Variants in SBF1 observed in about 807,000 individuals in gnomAD.
SBF1 encodes the protein myotubularin-related protein 5.
SBF1 carries 65 observed loss-of-function variants against 215.8 expected under a neutral mutation model. The observed-to-expected ratio is 0.30, with a 90% CI of 0.25 to 0.37. SBF1 has a LOEUF of 0.37. Ranked by LOEUF, SBF1 falls within the 10% of genes least tolerant of loss-of-function variation. The pLI, the probability that SBF1 is intolerant of heterozygous loss-of-function variation, is 1.00. For missense variants in SBF1, 2,634 were observed against 2,667.8 expected, an observed-to-expected ratio of 0.99 and a Z score of 0.28; for synonymous variants, 1,410 against 1,122.8, an observed-to-expected ratio of 1.26 and a Z score of -5.11.
chr22:50,452,775 C>T (rs554828900), intron 36 of SBF1, among the ~76,000 whole-genome samples: 3 of 114,000 alleles, frequency 2.6e-5, no homozygotes, highest in South Asian at 6.0e-4. Flanking sequence ...TTATGTCATA[C>T]GTAAAAATAA....
chr22:50,472,787 C>T (rs1415043449), intron 1 of SBF1, among the ~76,000 whole-genome samples: 1 of 152,170 alleles, frequency 6.6e-6, no homozygotes, highest in Admixed American at 6.5e-5. Context: ...CAGCCCATGA[C>T]CAGGGTCCCA....
rs760192085 is a variant in SBF1 at position 50,461,649 on chromosome 22, G to A, written c.2713C>T (p.Leu905=). 3.1e-6 allele frequency: 5 copies of A among 1,611,060 alleles called. No individual in the cohort carries two copies. The South Asian group carries it at 4.4e-5, about 14-fold the overall frequency. ...CVLDGLRVYL[L]PDGREEGAGG... ...GCGCCCTCCTCACGCCCATCCGGCA[G>A]CAGGTAGACGCGCAGGCCGTCCAGC... Residue 905 remains leucine (L), a synonymous_variant, in exon 22 of 41, where the codon CTG becomes TTG. Coordinates refer to ENST00000380817, the MANE Select transcript of SBF1 (RefSeq NM_002972.4).
rs1479030643 is a variant in SBF1, at chr22:50,466,360, G to A, written c.778C>T (p.Leu260Phe). The A allele has an allele frequency of 2.6e-6, 4 of 1,566,976 alleles. No homozygotes were observed. Among genetic ancestry groups the A allele is most frequent in the East Asian group, 2.4e-5 (1 of 41,710 alleles). Residue 260 changes from leucine to phenylalanine, a missense_variant, in exon 7 of 41, where the codon CTC becomes TTC. By Grantham distance (22) the Leu-to-Phe change is conservative. Coordinates refer to ENST00000380817, the MANE Select transcript of SBF1 (RefSeq NM_002972.4). ...CCGGGCAGGGGTCACCTGTATCTGAGAGGAAACAGCAGTGCCAGGAGGCCC... is the reference window on the plus strand; with the variant it reads ...CCGGGCAGGGGTCACCTGTATCTGAAAGGAAACAGCAGTGCCAGGAGGCCC... ...CRGLLALLFP[L>F]RYSFTYVPIL...
chr22:50,457,821 A>C (rs1428617100), intron 28 of SBF1, among the ~76,000 whole-genome samples: 1 of 152,184 alleles, frequency 6.6e-6, no homozygotes, highest in Non-Finnish European at 1.5e-5. Context: ...GCAAGGCCCG[A>C]GGGTGGGACT....
rs758647842 is a variant in SBF1 at position 50,464,416 on chromosome 22, C to A, written c.1662G>T (p.Gly554=). 2 of 1,613,864 alleles carry A rather than the reference C, an allele frequency of 1.2e-6. No individual in the cohort carries two copies. The highest frequency in any genetic ancestry group is 2.7e-5 in the African/African-American group (2 of 74,958). The change falls in exon 15 of 41, where the codon GGG becomes GGT. Residue 554 remains glycine, a synonymous_variant. Transcript: ENST00000380817. ...PMTAILERCS[G]LHVNSARRLE... is the part of the protein sequence containing the mutation. ...GCCGCCGGGCGCTGTTGACATGCAG[C>A]CCACTGCACCGCTCCAGTATGGCAG...
At chr22:50,458,645 T>C (rs1328578550) in intron 28 of SBF1, among the ~76,000 whole-genome samples, 1 of 152,190 alleles carries the variant, frequency 6.6e-6, no homozygotes, top group Non-Finnish European at 1.5e-5. Flanking sequence ...GGAGTGAGTG[T>C]GGGGCCTATC....
At position 50,460,059 on chromosome 22, in the gene SBF1, G is replaced by A. The variant is rs367546828; in HGVS notation, c.3384C>T (p.Arg1128=). 8 of 1,613,964 alleles carry A rather than the reference G, an allele frequency of 5.0e-6. No homozygotes were observed. Among genetic ancestry groups the A allele is most frequent in the African/African-American group, 1.3e-5 (1 of 75,060 alleles). Residue 1128 remains arginine (R), a synonymous_variant, in exon 26 of 41, where the codon CGC becomes CGT. Coordinates refer to ENST00000380817, the MANE Select transcript of SBF1 (RefSeq NM_002972.4). The part of the protein sequence containing the change: ...MSSLVERACC[R]DYQRLGLGTL... ...TGCCCAGACCGAGGCGCTGGTAGTC[G>A]CGACAGCAAGCCCTTTCCACCAGGC...
Position 50,467,840 on chromosome 22 carries a change from G to C in SBF1, c.225C>G (p.Ser75=), listed in dbSNP as rs765171943. Residue 75 remains serine (S), a synonymous_variant, in exon 3 of 41, where the codon TCC becomes TCG. Transcript: ENST00000380817. ...FFVAVLTDIN[S]ERHYCACLTF... is the part of the protein sequence containing the mutation. ...TCAAGCAGGCGCAGTAGTGGCGCTC[G>C]GAGTTGATGTCGGTGAGGACAGCAA... The C allele has an allele frequency of 6.2e-7, 1 of 1,613,994 alleles. No homozygotes were observed. Among genetic ancestry groups the C allele is most frequent in the South Asian group, 1.1e-5 (1 of 91,068 alleles).
Position 50,474,769 on chromosome 22 carries a change from T to G in SBF1, c.55+17A>C. ...ACCCTCGGCCCCCGGCCCTCAGCGC[T>G]TGGCCTCGGCACTCACCGCGCGGGT... On this transcript the variant is annotated intron_variant, in intron 1 of 40. Transcript: ENST00000380817. The G allele has an allele frequency of 6.9e-7, 1 of 1,459,304 alleles. No individual in the cohort carries two copies. Among genetic ancestry groups the G allele is most frequent in the South Asian group, 1.3e-5 (1 of 78,682 alleles). 90.4% of individuals were successfully genotyped at this position (1,459,304 alleles called of 1,614,324 possible). A position where few individuals can be genotyped will look rare whatever the true frequency, so the allele number is the denominator to read the frequency against.
rs551945101 is a variant in SBF1, at chr22:50,446,940, C to T, written c.*202G>A. The T allele has an allele frequency of 2.6e-4, 185 of 708,660 alleles. No homozygotes were observed. Among genetic ancestry groups the T allele is most frequent in the African/African-American group, 2.3e-3 (132 of 57,548 alleles). The allele number at this position is 708,660 out of a possible 1,614,324, so 43.9% of individuals were successfully genotyped here. Reference sequence around the variant, plus strand: ...GCTGTACCTTGGCCACCTCCCGGCACGGTGCTCAGCTGTGACGCCAAAATA... The same window carrying T: ...GCTGTACCTTGGCCACCTCCCGGCATGGTGCTCAGCTGTGACGCCAAAATA... On this transcript the variant is annotated 3_prime_UTR_variant, in exon 41 of 41. Coordinates refer to ENST00000380817, the MANE Select transcript of SBF1 (RefSeq NM_002972.4).
chr22:50,447,045 T>C lies in SBF1; in HGVS notation c.*97A>G. 2.7e-6 allele frequency: 3 copies of C among 1,115,824 alleles called. No individual in the cohort carries two copies. Among genetic ancestry groups the C allele is most frequent in the East Asian group, 5.2e-5 (2 of 38,808 alleles). 69.1% of individuals were successfully genotyped at this position (1,115,824 alleles called of 1,614,324 possible). A position where few individuals can be genotyped will look rare whatever the true frequency, so the allele number is the denominator to read the frequency against. On this transcript the variant is annotated 3_prime_UTR_variant, in exon 41 of 41. Coordinates refer to ENST00000380817, the MANE Select transcript of SBF1 (RefSeq NM_002972.4). ...CTGGGGGCTCGGGGCCTCAATACTG[T>C]CGAGGGCCGGGGCTGTAAACATGGC...
intron 36 of SBF1, 143 bp downstream of exon 36, chr22:50,454,369 T>G: frequency 1.4e-6 from 1 of 707,490 alleles, no homozygotes; most frequent in South Asian, 1.7e-5. Flanking sequence ...GTTCACATGG[T>G]GGGGAGACGG....
At chr22:50,449,019 G>A (rs2066942449) in intron 36 of SBF1, among the ~76,000 whole-genome samples, 1 of 151,792 alleles carries the variant, frequency 6.6e-6, no homozygotes, top group African/African-American at 2.4e-5. Context: ...CAAACATGGA[G>A]AAACCGCATC....
chr22:50,465,762 C>T lies in SBF1; in HGVS notation c.1089+1G>A. ...CATGCAGGAGCAGCAACGACCCCCACCTGCATCTTCAGGGAGGAGGTGGAT... is the reference window on the plus strand; with the variant it reads ...CATGCAGGAGCAGCAACGACCCCCATCTGCATCTTCAGGGAGGAGGTGGAT... On this transcript the variant is annotated splice_donor_variant, in intron 10 of 40. Transcript: ENST00000380817. LOFTEE classifies it high-confidence loss of function. 2.5e-6 allele frequency: 4 copies of T among 1,601,916 alleles called. No individual in the cohort carries two copies. The highest frequency in any genetic ancestry group is 2.6e-6 in the Non-Finnish European group (3 of 1,175,220).
chr22:50,464,483 G>T (rs114888956), intron 14 of SBF1, 42 bp from the exon 15 acceptor site: 46 of 1,603,482 alleles, frequency 2.9e-5, no homozygotes, highest in Non-Finnish European at 3.8e-5. Context: ...CTGACCCCAC[G>T]CCCATCCTGG....
chr22:50,464,262 G>A, intron 15 of SBF1, 67 bp downstream of exon 15: 1 of 1,305,192 alleles, frequency 7.7e-7, no homozygotes. Flanking sequence ...TCACAAGGGT[G>A]AAGTGCAGCC....
chr22:50,466,636 G>A lies in SBF1; in HGVS notation c.624C>T (p.Arg208=), dbSNP rs2067770818. 3 of 1,552,746 alleles carry A rather than the reference G, an allele frequency of 1.9e-6. No individual in the cohort carries two copies. Among genetic ancestry groups the A allele is most frequent in the South Asian group, 2.4e-5 (2 of 84,196 alleles). ...GGCGGAAGAGCAGGGCCACGCTGCA[G>A]CGGCTGACGGGCAGCGAGTCGGCCA... ...TPLADSLPVS[R]CSVALLFRQL... Residue 208 remains arginine, a synonymous_variant, in exon 6 of 41, where the codon CGC becomes CGT. Transcript: ENST00000380817.
rs1364749573 is a variant in SBF1 at position 50,467,358 on chromosome 22, G to T, written c.529C>A (p.Pro177Thr). Residue 177 changes from proline (P) to threonine (T), a missense_variant, in exon 5 of 41, where the codon CCC becomes ACC. Coordinates refer to ENST00000380817, the MANE Select transcript of SBF1 (RefSeq NM_002972.4). ...CTCACCTGCGAGCCCCCAGCCAGGG[G>T]CACAGTGCACGTCAGCAGGTTCCCA... is the stretch of plus-strand genomic sequence containing the variant. ...VIGNLLTCTV[P>T]LAGGSQRTIS... 1 of 1,613,964 alleles carries T rather than the reference G, an allele frequency of 6.2e-7. No homozygotes were observed. The highest frequency in any genetic ancestry group is 1.3e-5 in the African/African-American group (1 of 74,930).
Position 50,460,372 on chromosome 22 carries a change from C to G in SBF1, c.3183G>C (p.Lys1061Asn). The change falls in exon 25 of 41, where the codon AAG becomes AAC. Residue 1061 changes from lysine to asparagine, a missense_variant. Lys to Asn is a moderately conservative substitution (Grantham distance 94). Transcript: ENST00000380817. ...GAGTGACATGCTGCCGCCCGATGGT[C>G]TTCTTGGCGTTCTTGACCAGGTTCC... The part of the protein sequence containing the change: ...LSRNLVKNAK[K>N]TIGRQHVTRK... The G allele has an allele frequency of 6.2e-7, 1 of 1,613,432 alleles. No individual in the cohort carries two copies. Among genetic ancestry groups the G allele is most frequent in the Non-Finnish European group, 8.5e-7 (1 of 1,179,562 alleles).
Sources: gnomAD v4.1 joint callset for allele counts (sites outside exome capture counted in the v4.1 genomes callset) on GRCh38, gnomAD v4.1.1 for gene constraint, MANE v1.5 for transcripts, NCBI Gene and HGNC (gene_info 2026-07-23, HGNC 2026-07-21) for gene names.